The following COL5A1 variants were observed in gnomAD, a reference collection of about 807,000 sequenced individuals.
The protein encoded by COL5A1 is collagen alpha-1(V) chain.
In COL5A1, 16 loss-of-function variants were observed where a neutral mutation model predicts 263.7. The ratio of observed to expected loss-of-function variants is 0.06; its 90% CI spans 0.04 to 0.09. The LOEUF is 0.09. Ranked by LOEUF, COL5A1 falls within the 10% of genes least tolerant of loss-of-function variation. The pLI is 1.00. For synonymous variants in COL5A1, 1,012 were observed against 1,004.5 expected (o/e 1.01, Z -0.14); for missense variants, 2,036 against 2,540.5 (o/e 0.80, Z 4.27).
At chr9:134,732,174 T>C in intron 9 of COL5A1, 47 bp downstream of exon 9, 1 of 1,601,282 alleles carries the variant, frequency 6.2e-7, no homozygotes, top group Non-Finnish European at 8.6e-7. Context: ...TGTCCGCTGC[T>C]CGGGGTCACA....
chr9:134,829,074 C>A (rs1413517269), intron 63 of COL5A1, among the ~76,000 whole-genome samples: 2 of 152,214 alleles, frequency 1.3e-5, no homozygotes, highest in Non-Finnish European at 2.9e-5. Context: ...TGCCCCACCC[C>A]TCGCCTGCAG....
Position 134,756,782 on chromosome 9 carries a change from T to G in COL5A1, c.1845T>G (p.Asp615Glu), listed in dbSNP as rs1446893223. The change falls in exon 17 of 66, where the codon GAT becomes GAG. Residue 615 changes from aspartate (D) to glutamate (E), a missense_variant. Around this residue, in one of 3 missense-constraint regions of COL5A1, gnomAD observed 1,078 missense variants for 1,521.4 expected, o/e 0.71. Coordinates refer to ENST00000371817, the MANE Select transcript of COL5A1 (RefSeq NM_000093.5). Reference protein sequence around the residue: ...KPGRRGRAGSDGARGMPGQTG... With the variant: ...KPGRRGRAGSEGARGMPGQTG... ...TGTTCCAGGGTCGGGCTGGGAGTGA[T>G]GGAGCCAGAGGAATGCCTGGACAAA... is the stretch of plus-strand genomic sequence containing the variant. 2 of 1,614,052 alleles carry G rather than the reference T, an allele frequency of 1.2e-6. No individual in the cohort carries two copies. Among genetic ancestry groups the G allele is most frequent in the Non-Finnish European group, 1.7e-6 (2 of 1,180,030 alleles).
intron 46 of COL5A1, 101 bp from the exon 47 acceptor site, chr9:134,812,348 G>A (rs1186353733): frequency 8.0e-7 from 1 of 1,245,792 alleles, no homozygotes; most frequent in East Asian, 2.3e-5. Flanking sequence ...GGGGCTTCGG[G>A]GGCTCAGTGG....
intron 4 of COL5A1, among the ~76,000 whole-genome samples, chr9:134,722,374 G>A (rs1304949558): frequency 6.6e-6 from 1 of 152,216 alleles, no homozygotes; most frequent in Non-Finnish European, 1.5e-5. Flanking sequence ...GGGCCCTGAT[G>A]GTCGTGCAGG....
At chr9:134,670,145 G>A (rs965349447) in intron 1 of COL5A1, among the ~76,000 whole-genome samples, 10 of 152,070 alleles carry the variant, frequency 6.6e-5, no homozygotes, top group East Asian at 1.9e-4. Context: ...ACATTCCACC[G>A]CATGTTTGTA....
At chr9:134,777,287 A>C (rs1414439956) in intron 27 of COL5A1, among the ~76,000 whole-genome samples, 3 of 152,226 alleles carry the variant, frequency 2.0e-5, no homozygotes, top group Non-Finnish European at 2.9e-5. Context: ...CTGTGCGCAC[A>C]TCTGGTCCCA....
At chr9:134,710,566 C>T (rs527286903) in intron 4 of COL5A1, among the ~76,000 whole-genome samples, 18 of 61,910 alleles carry the variant, frequency 2.9e-4, no homozygotes, top group Admixed American at 6.2e-4. Flanking sequence ...GTGGGGGGGC[C>T]CCATTTGTTG....
At chr9:134,762,316 G>A (rs770056345) in intron 19 of COL5A1, among the ~76,000 whole-genome samples, 3 of 152,230 alleles carry the variant, frequency 2.0e-5, no homozygotes, top group African/African-American at 7.2e-5. Flanking sequence ...TGAGCTCAGC[G>A]TCTCTGCTTA....
intron 65 of COL5A1, among the ~76,000 whole-genome samples, chr9:134,839,163 T>A (rs1407363319): frequency 2.6e-5 from 4 of 152,180 alleles, no homozygotes; most frequent in Non-Finnish European, 4.4e-5. Context: ...GGCGCCTGAT[T>A]GACGGGGCCG....
intron 25 of COL5A1, among the ~76,000 whole-genome samples, chr9:134,771,796 G>A (rs1484252182): frequency 2.6e-5 from 4 of 152,166 alleles, no homozygotes; most frequent in Admixed American, 6.5e-5. Context: ...GTGTCCAGGA[G>A]TAGAACCCAC....
intron 11 of COL5A1, among the ~76,000 whole-genome samples, chr9:134,743,040 A>C (rs1203557371): frequency 1.3e-5 from 2 of 152,122 alleles, no homozygotes; most frequent in African/African-American, 4.8e-5. Flanking sequence ...CGCCCCCTAC[A>C]TCCATTCGCG....
Position 134,789,134 on chromosome 9 carries a change from C to G in COL5A1, c.2647-21C>G. 1 of 1,611,990 alleles carries G rather than the reference C, an allele frequency of 6.2e-7. No homozygotes were observed. Among genetic ancestry groups the G allele is most frequent in the Non-Finnish European group, 8.5e-7 (1 of 1,179,070 alleles). On this transcript the variant is annotated intron_variant, in intron 31 of 65. Transcript: ENST00000371817. The surrounding 1 kb of genome is among the most constrained non-coding windows in gnomAD (Gnocchi z 4.8). ...CATTCCTGGCCCAGCTCTGATGCCT[C>G]CTCCTTAAACTCTCTTTCAGGGCTC...
At chr9:134,727,898 C>T (rs1834719910) in intron 5 of COL5A1, among the ~76,000 whole-genome samples, 1 of 152,224 alleles carries the variant, frequency 6.6e-6, no homozygotes, top group African/African-American at 2.4e-5. Context: ...GTCCATGGGT[C>T]AGCTGTCCTC....
At chr9:134,804,559 G>C (rs1302242835) in intron 39 of COL5A1, among the ~76,000 whole-genome samples, 1 of 152,220 alleles carries the variant, frequency 6.6e-6, no homozygotes, top group African/African-American at 2.4e-5. Flanking sequence ...AGCCCTTAAG[G>C]GCCTTGGGAG....
At chr9:134,803,879 C>T (rs903139010) in intron 39 of COL5A1, among the ~76,000 whole-genome samples, 2 of 152,080 alleles carry the variant, frequency 1.3e-5, no homozygotes, top group African/African-American at 4.8e-5. Context: ...ACCCCAAGAG[C>T]CTGAGAAATT....
In COL5A1 at chr9:134,815,999, A is replaced by C; in HGVS notation, c.4122+11A>C. 1.2e-6 allele frequency: 2 copies of C among 1,613,922 alleles called. No homozygotes were observed. The highest frequency in any genetic ancestry group is 8.5e-7 in the Non-Finnish European group (1 of 1,179,896). On this transcript the variant is annotated intron_variant, in intron 52 of 65. Coordinates refer to ENST00000371817, the MANE Select transcript of COL5A1 (RefSeq NM_000093.5). ...GAACCCGGGCAGACGGTGAGTCCAC[A>C]ATCTGGGCTGGCTTCCTGGTGGAGG... is the stretch of plus-strand genomic sequence containing the variant.
At chr9:134,823,146 C>T (rs1282124181) in intron 60 of COL5A1, 113 bp downstream of exon 60, 2 of 1,273,002 alleles carry the variant, frequency 1.6e-6, no homozygotes, top group African/African-American at 1.5e-5. Flanking sequence ...GGCCCTGCTG[C>T]TCACGATCCT....
At position 134,834,973 on chromosome 9, in the gene COL5A1, C is replaced by G; in HGVS notation, c.5139C>G (p.Leu1713=). ...WFSEFKRGKL[L]SYVDAEGNPV... ...CCCCAACACCCCTGTCCCCCCAGCT[C>G]TCCTATGTGGACGCCGAGGGCAACC... is the stretch of plus-strand genomic sequence containing the variant. Residue 1713 remains leucine (L), a splice_region_variant and synonymous_variant, in exon 65 of 66, where the codon CTC becomes CTG. Coordinates refer to ENST00000371817, the MANE Select transcript of COL5A1 (RefSeq NM_000093.5). The G allele has an allele frequency of 6.2e-7, 1 of 1,612,034 alleles. No homozygotes were observed. Among genetic ancestry groups the G allele is most frequent in the Non-Finnish European group, 8.5e-7 (1 of 1,178,862 alleles).
At chr9:134,796,498 G>C in intron 35 of COL5A1, 80 bp downstream of exon 35, 1 of 1,462,876 alleles carries the variant, frequency 6.8e-7, no homozygotes, top group Non-Finnish European at 9.6e-7. Flanking sequence ...CCTGGGGTGG[G>C]CTGGGGCCAG....
Sources: gnomAD v4.1 joint callset for allele counts (sites outside exome capture counted in the v4.1 genomes callset) on GRCh38, gnomAD v4.1.1 for gene constraint, gnomAD v4.1.1 regional missense constraint, Gnocchi (gnomAD v3.1) non-coding constraint, MANE v1.5 for transcripts, NCBI Gene and HGNC (gene_info 2026-07-23, HGNC 2026-07-21) for gene names.